The following ANO3 variants were observed in gnomAD, a reference collection of about 807,000 sequenced individuals.
ANO3 encodes the protein anoctamin-3.
ANO3 carries 99 observed loss-of-function variants against 144.8 expected under a neutral mutation model. That is an observed-to-expected ratio of 0.68 (90% confidence interval 0.58 to 0.81). The LOEUF (loss-of-function observed/expected upper bound fraction) is 0.81. Ranked by LOEUF, ANO3 falls within the 30% of genes least tolerant of loss-of-function variation. ANO3 has a pLI of 0.00. For missense variants in ANO3, 905 were observed against 1,202.2 expected, an observed-to-expected ratio of 0.75 and a Z score of 3.66; for synonymous variants, 414 against 392.6, an observed-to-expected ratio of 1.05 and a Z score of -0.64.
At chr11:26,480,079 G>A (rs1024572219) in intron 4 of ANO3, among the ~76,000 whole-genome samples, 22 of 152,198 alleles carry the variant, frequency 1.4e-4, no homozygotes, top group African/African-American at 3.9e-4. Context: ...ACAACACCGC[G>A]TGGGAGAAAT....
chr11:26,415,913 T>G (rs976564074), intron 1 of ANO3, among the ~76,000 whole-genome samples: 1 of 152,084 alleles, frequency 6.6e-6, no homozygotes, highest in Admixed American at 6.6e-5. Context: ...TAAAAGAAAA[T>G]TTTGAGGTGA....
At chr11:26,417,317 C>T (rs76449639) in intron 1 of ANO3, among the ~76,000 whole-genome samples, 13,807 of 151,982 alleles carry the variant, frequency 0.091, 1,278 homozygotes, top group African/African-American at 0.24. Flanking sequence ...GGATAAACTG[C>T]GAGACATCTA....
chr11:26,649,341 G>A (rs1193608734), intron 24 of ANO3, among the ~76,000 whole-genome samples: 1 of 152,158 alleles, frequency 6.6e-6, no homozygotes, highest in Non-Finnish European at 1.5e-5. Flanking sequence ...AATATAGAAT[G>A]AGTAAATATT....
At chr11:26,604,605 G>A (rs886374710) in intron 17 of ANO3, among the ~76,000 whole-genome samples, 1 of 152,028 alleles carries the variant, frequency 6.6e-6, no homozygotes, top group Non-Finnish European at 1.5e-5. Flanking sequence ...GTGGTTTATA[G>A]TTCTCCTTGA....
intron 12 of ANO3, 23 bp from the exon 13 acceptor site, chr11:26,553,226 T>C (rs748093126): frequency 7.8e-7 from 1 of 1,276,654 alleles, no homozygotes; most frequent in Non-Finnish European, 1.1e-6. Context: ...TTTGTTTTGT[T>C]TTTGTTTTTG....
At chr11:26,458,426 A>G (rs901057364) in intron 3 of ANO3, among the ~76,000 whole-genome samples, 2 of 152,156 alleles carry the variant, frequency 1.3e-5, no homozygotes, top group Non-Finnish European at 2.9e-5. Context: ...GGGAGAGAGG[A>G]CTACCACTAC....
intron 1 of ANO3, among the ~76,000 whole-genome samples, chr11:26,361,924 A>C (rs1855938958): frequency 6.6e-6 from 1 of 152,142 alleles, no homozygotes; most frequent in African/African-American, 2.4e-5. Context: ...TTATGTCATA[A>C]TGACTGCACA....
At chr11:26,330,852 G>C (rs367762867), upstream of ANO3, among the ~76,000 whole-genome samples, 36 of 152,256 alleles carry the variant, frequency 2.4e-4, no homozygotes, top group African/African-American at 8.7e-4. Flanking sequence ...CGAAAGTTTG[G>C]AAATTTCTGC....
intron 17 of ANO3, among the ~76,000 whole-genome samples, chr11:26,615,961 C>A (rs369705573): frequency 2.6e-5 from 4 of 152,116 alleles, no homozygotes; most frequent in South Asian, 4.1e-4. Context: ...AAGAGAATCA[C>A]TGTTTTGTAT....
At chr11:26,511,745 T>C (rs1290081615) in intron 5 of ANO3, among the ~76,000 whole-genome samples, 4 of 152,076 alleles carry the variant, frequency 2.6e-5, no homozygotes, top group Non-Finnish European at 5.9e-5. Context: ...TAGTAGCTAA[T>C]GTAGGTGAAT....
chr11:26,332,441 AG>A, intron 1 of ANO3, 120 bp downstream of exon 1: 4 of 760,610 alleles, frequency 5.3e-6, no homozygotes, highest in Non-Finnish European at 8.0e-6. Flanking sequence ...AACTCTGTGA[AG>A]TTAAAAAAAA....
At chr11:26,420,840 A>G (rs1220780161) in intron 1 of ANO3, among the ~76,000 whole-genome samples, 2 of 152,186 alleles carry the variant, frequency 1.3e-5, no homozygotes, top group Admixed American at 1.3e-4. Context: ...TCTGTATTCT[A>G]CCAGGACTCT....
intron 17 of ANO3, among the ~76,000 whole-genome samples, chr11:26,602,068 T>C (rs1397859425): frequency 6.6e-6 from 1 of 152,116 alleles, no homozygotes; most frequent in Non-Finnish European, 1.5e-5. Context: ...TTTATGATAG[T>C]GGATCAGAAG....
chr11:26,487,249 A>G (rs1327961532), intron 4 of ANO3, among the ~76,000 whole-genome samples: 1 of 152,150 alleles, frequency 6.6e-6, no homozygotes, highest in Non-Finnish European at 1.5e-5. Context: ...TAGTGAATAA[A>G]TCTCAAGAGA....
chr11:26,372,960 A>G (rs910303641), intron 1 of ANO3, among the ~76,000 whole-genome samples: 1 of 152,210 alleles, frequency 6.6e-6, no homozygotes, highest in Non-Finnish European at 1.5e-5. Context: ...TCCCAAAAAT[A>G]TAAAGGATAA....
At chr11:26,413,378 GAA>G (rs1857484407) in intron 1 of ANO3, among the ~76,000 whole-genome samples, 1 of 151,854 alleles carries the variant, frequency 6.6e-6, no homozygotes, top group African/African-American at 2.4e-5. Flanking sequence ...AAGAATATTT[GAA>G]GGTAAGGATG....
At chr11:26,508,813 C>T (rs1329053732) in intron 5 of ANO3, 1 of 151,738 alleles carries the variant, frequency 6.6e-6, no homozygotes, top group African/African-American at 2.4e-5. Flanking sequence ...TTTAGTTATA[C>T]CTTGTACAGT....
rs143497112 is a variant in ANO3, at chr11:26,595,459, TG to T, written c.1448-2905del. On this transcript the variant is annotated intron_variant, in intron 14 of 26. Coordinates refer to ENST00000256737, the MANE Select transcript of ANO3 (RefSeq NM_031418.4). The stretch of plus-strand genomic sequence containing the variant: ...TTTTGACTCAGTATTGAGATAGAGT[TG>T]TTTTTTTTTTTTTTTTTTTTTTTTT... Among the ~76,000 whole-genome samples, 80 of 120,234 alleles carry T rather than the reference TG, an allele frequency of 6.7e-4. 1 individual carries two copies. Among genetic ancestry groups the T allele is most frequent in the East Asian group, 1.0e-3 (4 of 3,936 alleles). The allele number at this position is 120,234 out of a possible 152,430, so 78.9% of individuals were successfully genotyped here.
At position 26,660,639 on chromosome 11, in the gene ANO3, C is replaced by T; in HGVS notation, c.*195C>T. 4 of 527,832 alleles carry T rather than the reference C, an allele frequency of 7.6e-6. No homozygotes were observed. The highest frequency in any genetic ancestry group is 6.6e-4 in the Middle Eastern group (2 of 3,048). The allele number at this position is 527,832 out of a possible 1,614,324, so 32.7% of individuals were successfully genotyped here. A position where few individuals can be genotyped will look rare whatever the true frequency, so the allele number is the denominator to read the frequency against. ...AGGGAAGAAAACAATGACTTGACGA[C>T]CTTAAAAAGGGTTAGATTGACATTG... On this transcript the variant is annotated 3_prime_UTR_variant, in exon 27 of 27. Transcript: ENST00000256737.
Sources: allele counts gnomAD v4.1 joint callset (sites outside exome capture counted in the v4.1 genomes callset), GRCh38; gene constraint gnomAD v4.1.1; transcripts MANE v1.5; gene names NCBI Gene and HGNC (gene_info 2026-07-23, HGNC 2026-07-21).